The following HS6ST3 variants were observed in gnomAD, a reference collection of about 807,000 sequenced individuals.
HS6ST3 encodes the protein heparan-sulfate 6-O-sulfotransferase 3.
Under a neutral mutation model 36.7 loss-of-function variants are expected in HS6ST3, and 12 were observed. The observed-to-expected ratio is 0.33, with a 90% CI of 0.21 to 0.53. HS6ST3 has a LOEUF of 0.53. HS6ST3 is among the 20% of genes least tolerant of loss of function. HS6ST3 has a pLI of 0.95. For synonymous variants in HS6ST3, 240 were observed against 257.5 expected (o/e 0.93, Z 0.65); for missense variants, 584 against 640.9 (o/e 0.91, Z 0.96).
chr13:96,315,289 T>A (rs1439206230), intron 1 of HS6ST3, among the ~76,000 whole-genome samples: 1 of 152,234 alleles, frequency 6.6e-6, no homozygotes, highest in East Asian at 1.9e-4. Context: ...AGAAAGGGAC[T>A]GTAATCATTT....
At chr13:96,391,468 A>G (rs2055394974) in intron 1 of HS6ST3, among the ~76,000 whole-genome samples, 1 of 152,194 alleles carries the variant, frequency 6.6e-6, no homozygotes, top group Non-Finnish European at 1.5e-5. Context: ...GATCACACAA[A>G]GCAACAGACA....
intron 1 of HS6ST3, among the ~76,000 whole-genome samples, chr13:96,164,234 G>A (rs1037723129): frequency 1.3e-5 from 2 of 152,022 alleles, no homozygotes; most frequent in African/African-American, 4.8e-5. Flanking sequence ...TTCAAAAAGG[G>A]GCATGCATGC....
At chr13:96,101,665 A>G (rs997838531) in intron 1 of HS6ST3, among the ~76,000 whole-genome samples, 3 of 152,160 alleles carry the variant, frequency 2.0e-5, no homozygotes, top group African/African-American at 4.8e-5. Context: ...GACAAAATGC[A>G]TATCCAATAC....
At chr13:96,466,211 G>T (rs989972623) in intron 1 of HS6ST3, among the ~76,000 whole-genome samples, 1 of 152,088 alleles carries the variant, frequency 6.6e-6, no homozygotes, top group Non-Finnish European at 1.5e-5. Flanking sequence ...AACCCGGGAG[G>T]CGGAGGTTGC....
chr13:96,416,783 CGCTCTGTTG>C (rs1254515505), intron 1 of HS6ST3, among the ~76,000 whole-genome samples: 1 of 144,988 alleles, frequency 6.9e-6, no homozygotes, highest in East Asian at 2.0e-4. Context: ...GACGGAGTCT[CGCTCTGTTG>C]CCCAGGCTAG....
chr13:96,816,575 G>T (rs1878426224), intron 1 of HS6ST3, among the ~76,000 whole-genome samples: 2 of 152,170 alleles, frequency 1.3e-5, no homozygotes, highest in African/African-American at 4.8e-5. Context: ...GATGCGTGAA[G>T]ACCCTGATTA....
At position 96,649,200 on chromosome 13, in the gene HS6ST3, A is replaced by G. The variant is rs111900347; in HGVS notation, c.708-183290A>G. ...GGTAATTTATCAAGGAAAGAGATTC[A>G]GTTGACTCACAGTTCACCATGGCTT... On this transcript the variant is annotated intron_variant, in intron 1 of 1. Coordinates refer to ENST00000376705, the MANE Select transcript of HS6ST3 (RefSeq NM_153456.4). 4.4e-4 allele frequency among the ~76,000 whole-genome samples: 67 copies of G among 152,146 alleles called. 2 individuals are homozygous for G. Among genetic ancestry groups the G allele is most frequent in the African/African-American group, 1.6e-3 (65 of 41,544 alleles).
intron 1 of HS6ST3, among the ~76,000 whole-genome samples, chr13:96,509,334 A>G (rs2056039593): frequency 6.6e-6 from 1 of 151,872 alleles, no homozygotes; most frequent in Non-Finnish European, 1.5e-5. Context: ...CTTTTGCTCT[A>G]TGGAAGTTTC....
chr13:96,216,082 C>T (rs879450186), intron 1 of HS6ST3, among the ~76,000 whole-genome samples: 12 of 152,170 alleles, frequency 7.9e-5, no homozygotes, highest in Non-Finnish European at 1.8e-4. Context: ...ATCTGTGTTT[C>T]TCAGTTTCCT....
intron 1 of HS6ST3, among the ~76,000 whole-genome samples, chr13:96,180,383 G>A (rs902311709): frequency 6.6e-6 from 1 of 152,080 alleles, no homozygotes; most frequent in Non-Finnish European, 1.5e-5. Context: ...TCTGATCCTA[G>A]GAATTATTGT....
intron 1 of HS6ST3, among the ~76,000 whole-genome samples, chr13:96,350,772 G>T (rs142347917): frequency 6.1e-4 from 93 of 152,264 alleles, no homozygotes; most frequent in African/African-American, 2.2e-3. Flanking sequence ...TTTCCTTAGT[G>T]CAGCACAATG....
intron 1 of HS6ST3, among the ~76,000 whole-genome samples, chr13:96,799,959 T>C (rs1436676844): frequency 3.2e-5 from 3 of 93,262 alleles, no homozygotes; most frequent in Non-Finnish European, 6.1e-5. Context: ...TATATATATA[T>C]ATATGTGTAT....
rs2139418975 is a variant in HS6ST3 at position 96,328,528 on chromosome 13, A to C, written c.707+236959A>C. Among the ~76,000 whole-genome samples, 2 of 152,144 alleles carry C rather than the reference A, an allele frequency of 1.3e-5. 1 individual carries two copies. Among genetic ancestry groups the C allele is most frequent in the Middle Eastern group, 6.8e-3 (2 of 294 alleles). ...AACCAGCCTTGCATCCCAGGGATGAAGCCCACTTGATCATGGTGGATGAGC... is the reference window on the plus strand; with the variant it reads ...AACCAGCCTTGCATCCCAGGGATGACGCCCACTTGATCATGGTGGATGAGC... On this transcript the variant is annotated intron_variant, in intron 1 of 1. Coordinates refer to ENST00000376705, the MANE Select transcript of HS6ST3 (RefSeq NM_153456.4).
intron 1 of HS6ST3, among the ~76,000 whole-genome samples, chr13:96,222,734 A>G (rs2054462000): frequency 6.6e-6 from 1 of 152,236 alleles, no homozygotes; most frequent in East Asian, 1.9e-4. Context: ...TGAATTTTAA[A>G]TAGTTTACAC....
At chr13:96,372,858 G>T (rs922080466) in intron 1 of HS6ST3, among the ~76,000 whole-genome samples, 5 of 152,026 alleles carry the variant, frequency 3.3e-5, no homozygotes, top group Admixed American at 2.6e-4. Flanking sequence ...TGCTCTTTTA[G>T]AATTTGGATT....
rs942369178 is a variant in HS6ST3, at chr13:96,163,666, A to T, written c.707+72097A>T. 3.9e-5 allele frequency among the ~76,000 whole-genome samples: 6 copies of T among 152,174 alleles called. No homozygotes were observed. In the East Asian group the frequency reaches 7.7e-4, roughly 20 times the overall value. ...CATAATAGTATAGGATTAATTTATAATGATAGGTATAATGATATTTAATAT... is the reference window on the plus strand; with the variant it reads ...CATAATAGTATAGGATTAATTTATATTGATAGGTATAATGATATTTAATAT... On this transcript the variant is annotated intron_variant, in intron 1 of 1. Coordinates refer to ENST00000376705, the MANE Select transcript of HS6ST3 (RefSeq NM_153456.4).
At chr13:96,138,639 A>G (rs1291038802) in intron 1 of HS6ST3, among the ~76,000 whole-genome samples, 1 of 152,078 alleles carries the variant, frequency 6.6e-6, no homozygotes, top group African/African-American at 2.4e-5. Flanking sequence ...ACCCAGTCCC[A>G]TCAACCACAA....
intron 1 of HS6ST3, among the ~76,000 whole-genome samples, chr13:96,623,062 T>C (rs189137729): frequency 1.3e-5 from 2 of 152,318 alleles, no homozygotes; most frequent in East Asian, 3.9e-4. Context: ...GGATCTATTA[T>C]TTTTTATTTA....
chr13:96,197,174 C>T (rs777197923), intron 1 of HS6ST3, among the ~76,000 whole-genome samples: 4 of 152,160 alleles, frequency 2.6e-5, no homozygotes, highest in Non-Finnish European at 4.4e-5. Flanking sequence ...AAGACATACC[C>T]GAGACTGGGA....
Sources: allele counts gnomAD v4.1 joint callset (sites outside exome capture counted in the v4.1 genomes callset), GRCh38; gene constraint gnomAD v4.1.1; transcripts MANE v1.5; gene names NCBI Gene and HGNC (gene_info 2026-07-23, HGNC 2026-07-21).